The following MFAP2 variants were observed in gnomAD, a reference collection of about 807,000 sequenced individuals.
The protein encoded by MFAP2 is microfibrillar-associated protein 2.
MFAP2 carries 23 observed loss-of-function variants against 30.6 expected under a neutral mutation model. The observed-to-expected ratio is 0.75, with a 90% CI of 0.54 to 1.07. The LOEUF (loss-of-function observed/expected upper bound fraction) is 1.07. Ranked by LOEUF, MFAP2 falls within the 50% of genes least tolerant of loss-of-function variation. The pLI is 0.00. For missense variants in MFAP2, 198 were observed against 223.8 expected (o/e 0.88, Z 0.74); for synonymous variants, 73 against 85.7 (o/e 0.85, Z 0.82).
At chr1:16,979,451 T>G (rs1486045085) in intron 1 of MFAP2, among the ~76,000 whole-genome samples, 3 of 152,164 alleles carry the variant, frequency 2.0e-5, no homozygotes, top group Admixed American at 2.0e-4. Flanking sequence ...AGGAGGTCTT[T>G]CCCTCCTTCC....
chr1:16,979,686 C>G (rs2076621435), intron 1 of MFAP2, among the ~76,000 whole-genome samples: 1 of 152,206 alleles, frequency 6.6e-6, no homozygotes, highest in Non-Finnish European at 1.5e-5. Flanking sequence ...TCAGGTCGGT[C>G]GGAGCCCCCG....
intron 1 of MFAP2, among the ~76,000 whole-genome samples, 152 bp from the exon 2 acceptor site, chr1:16,978,466 G>A (rs1016505742): frequency 6.6e-6 from 1 of 152,146 alleles, no homozygotes; most frequent in Non-Finnish European, 1.5e-5. Context: ...CCCAGTCCCT[G>A]CTGGCCCACC....
rs995558233 is a variant in MFAP2 at position 16,975,870 on chromosome 1, A to G, written c.287-140T>C. ...GACACCCATACCTACACATGCCCAC[A>G]TAGACCCACGCAGCATTGTCAGACT... On this transcript the variant is annotated intron_variant, in intron 6 of 8. Transcript: ENST00000375535. This position sits in a 1 kb window ranked among gnomAD's most constrained non-coding sequence, Gnocchi z 5.0. 1.5e-5 allele frequency: 10 copies of G among 654,212 alleles called. No individual in the cohort carries two copies. The highest frequency in any genetic ancestry group is 1.3e-4 in the African/African-American group (7 of 54,696). The allele number at this position is 654,212 out of a possible 1,614,324, so 40.5% of individuals were successfully genotyped here.
At chr1:16,978,201 T>G in intron 2 of MFAP2, 36 bp downstream of exon 2, 1 of 1,555,828 alleles carries the variant, frequency 6.4e-7, no homozygotes, top group Non-Finnish European at 8.7e-7. Context: ...CAGCCCCACA[T>G]AAGAGGAGCT....
chr1:16,976,807 G>A lies in MFAP2; in HGVS notation c.155-13C>T. 1.2e-6 allele frequency: 2 copies of A among 1,614,068 alleles called. No individual in the cohort carries two copies. The highest frequency in any genetic ancestry group is 1.7e-6 in the Non-Finnish European group (2 of 1,179,984). On this transcript the variant is annotated splice_polypyrimidine_tract_variant and intron_variant, in intron 4 of 8. Coordinates refer to ENST00000375535, the MANE Select transcript of MFAP2 (RefSeq NM_002403.4). This position sits in a 1 kb window ranked among gnomAD's most constrained non-coding sequence, Gnocchi z 5.5. ...CGAGGAGTCACCTCTGCAGCCAGGG[G>A]AGGATAAGGGGGTCTGCTCCCTCTA...
rs1322788781 is a variant in MFAP2 at position 16,976,630 on chromosome 1, C to T, written c.241+78G>A. 3 of 1,609,596 alleles carry T rather than the reference C, an allele frequency of 1.9e-6. No homozygotes were observed. The highest frequency in any genetic ancestry group is 1.3e-5 in the African/African-American group (1 of 74,922). ...AGTCACCTCTCCCAGCCCTGGCAGACCCCCACTCCCAGGGTTGACAGGGTG... is the reference window on the plus strand; with the variant it reads ...AGTCACCTCTCCCAGCCCTGGCAGATCCCCACTCCCAGGGTTGACAGGGTG... On this transcript the variant is annotated intron_variant, in intron 5 of 8. Coordinates refer to ENST00000375535, the MANE Select transcript of MFAP2 (RefSeq NM_002403.4). The surrounding 1 kb of genome is among the most constrained non-coding windows in gnomAD (Gnocchi z 5.5).
Position 16,977,930 on chromosome 1 carries a change from C to A in MFAP2, c.37+307G>T, listed in dbSNP as rs539557226. 9.0e-4 allele frequency: 310 copies of A among 345,676 alleles called. 1 individual carries two copies. The highest frequency in any genetic ancestry group is 6.1e-3 in the African/African-American group (290 of 47,906). 21.4% of individuals were successfully genotyped at this position (345,676 alleles called of 1,614,324 possible). On this transcript the variant is annotated intron_variant, in intron 2 of 8. Coordinates refer to ENST00000375535, the MANE Select transcript of MFAP2 (RefSeq NM_002403.4). ...ACTCCCTGCCTTGGGTGCCCCTGCA[C>A]CTGCACATCGGCTCCCAGAGAGGCC... is the stretch of plus-strand genomic sequence containing the variant.
intron 2 of MFAP2, 42 bp downstream of exon 2, chr1:16,978,195 C>A: frequency 6.5e-7 from 1 of 1,546,912 alleles, no homozygotes; most frequent in African/African-American, 1.4e-5. Flanking sequence ...ACTCCTCAGC[C>A]CCACATAAGA....
intron 2 of MFAP2, chr1:16,977,433 T>TG: frequency 1.9e-6 from 1 of 535,024 alleles, no homozygotes; most frequent in Non-Finnish European, 3.4e-6. Context: ...GCCTCCTGGC[T>TG]GCTCCTAGGA....
At chr1:16,978,152 A>C (rs948380393) in intron 2 of MFAP2, 85 bp downstream of exon 2, 2 of 1,440,652 alleles carry the variant, frequency 1.4e-6, no homozygotes, top group Non-Finnish European at 1.9e-6. Context: ...AAGTCGTGAC[A>C]AAGGCTCACT....
At position 16,975,109 on chromosome 1, in the gene MFAP2, G is replaced by T; in HGVS notation, c.449-86C>A. On this transcript the variant is annotated intron_variant, in intron 8 of 8. Transcript: ENST00000375535. This position sits in a 1 kb window ranked among gnomAD's most constrained non-coding sequence, Gnocchi z 5.0. ...CTCCCCCAACTCTGGTGATGGGAGTGTTTTGAGGATGAAAAGTAGCAAGGA... is the reference window on the plus strand; with the variant it reads ...CTCCCCCAACTCTGGTGATGGGAGTTTTTTGAGGATGAAAAGTAGCAAGGA... 1.5e-6 allele frequency: 2 copies of T among 1,363,978 alleles called. No individual in the cohort carries two copies. The highest frequency in any genetic ancestry group is 2.1e-6 in the Non-Finnish European group (2 of 975,406). 84.5% of individuals were successfully genotyped at this position (1,363,978 alleles called of 1,614,324 possible).
At position 16,976,638 on chromosome 1, in the gene MFAP2, C is replaced by A; in HGVS notation, c.241+70G>T. On this transcript the variant is annotated intron_variant, in intron 5 of 8. Coordinates refer to ENST00000375535, the MANE Select transcript of MFAP2 (RefSeq NM_002403.4). This position sits in a 1 kb window ranked among gnomAD's most constrained non-coding sequence, Gnocchi z 5.5. ...CTCCCAGCCCTGGCAGACCCCCACT[C>A]CCAGGGTTGACAGGGTGGGGAGGGG... The A allele has an allele frequency of 6.2e-7, 1 of 1,610,968 alleles. No individual in the cohort carries two copies. The highest frequency in any genetic ancestry group is 1.1e-5 in the South Asian group (1 of 90,996).
intron 2 of MFAP2, 180 bp from the exon 3 acceptor site, chr1:16,977,378 T>C: frequency 3.2e-6 from 2 of 627,718 alleles, no homozygotes; most frequent in Non-Finnish European, 5.5e-6. Context: ...CCCACCCTGG[T>C]CATGGGTCAC....
chr1:16,980,928 T>G (rs1001896440), upstream of MFAP2: 3 of 152,444 alleles, frequency 2.0e-5, no homozygotes, highest in African/African-American at 7.2e-5. Flanking sequence ...GAGGAGGAAA[T>G]CAAGCCTCCC....
At position 16,976,147 on chromosome 1, in the gene MFAP2, C is replaced by T. The variant is rs938089989; in HGVS notation, c.286+354G>A. 26 of 504,656 alleles carry T rather than the reference C, an allele frequency of 5.2e-5. No homozygotes were observed. The highest frequency in any genetic ancestry group is 8.6e-5 in the Non-Finnish European group (24 of 278,204). The allele number at this position is 504,656 out of a possible 1,614,324, so 31.3% of individuals were successfully genotyped here. A position where few individuals can be genotyped will look rare whatever the true frequency, so the allele number is the denominator to read the frequency against. On this transcript the variant is annotated intron_variant, in intron 6 of 8. Coordinates refer to ENST00000375535, the MANE Select transcript of MFAP2 (RefSeq NM_002403.4). The surrounding 1 kb of genome is among the most constrained non-coding windows in gnomAD (Gnocchi z 5.5). ...CTCAGCTAGGGCAGCCGGAGGGCAC[C>T]GCTCAGCCAGCCTGCACTCCCTGGC...
Position 16,976,275 on chromosome 1 carries a change from C to T in MFAP2, c.286+226G>A. The T allele has an allele frequency of 3.2e-6, 2 of 615,954 alleles. No individual in the cohort carries two copies. The highest frequency in any genetic ancestry group is 2.8e-5 in the Admixed American group (1 of 35,202). The allele number at this position is 615,954 out of a possible 1,614,324, so 38.2% of individuals were successfully genotyped here. ...AGTATCTGTGAGGTCAGGGGCCTTCCTAGGCTGCCAATTTAGCCTCCAGCC... is the reference window on the plus strand; with the variant it reads ...AGTATCTGTGAGGTCAGGGGCCTTCTTAGGCTGCCAATTTAGCCTCCAGCC... On this transcript the variant is annotated intron_variant, in intron 6 of 8. Transcript: ENST00000375535. This position sits in a 1 kb window ranked among gnomAD's most constrained non-coding sequence, Gnocchi z 5.5.
intron 2 of MFAP2, 134 bp downstream of exon 2, chr1:16,978,103 C>T: frequency 3.0e-6 from 3 of 986,022 alleles, no homozygotes. Flanking sequence ...TCCAAGCAGG[C>T]AGAAGGCCCT....
At chr1:16,977,288 G>C in intron 2 of MFAP2, 90 bp from the exon 3 acceptor site, 2 of 1,301,172 alleles carry the variant, frequency 1.5e-6, no homozygotes, top group Non-Finnish European at 2.1e-6. Flanking sequence ...GGGGTCACAA[G>C]GTCAGGCCCA....
intron 1 of MFAP2, among the ~76,000 whole-genome samples, chr1:16,979,722 G>A (rs1421863676): frequency 6.6e-6 from 1 of 152,220 alleles, no homozygotes; most frequent in Non-Finnish European, 1.5e-5. Flanking sequence ...CGCTGAATTG[G>A]GGCAAGAGGG....
Sources: gnomAD v4.1 joint callset for allele counts (sites outside exome capture counted in the v4.1 genomes callset) on GRCh38, gnomAD v4.1.1 for gene constraint, Gnocchi (gnomAD v3.1) non-coding constraint, MANE v1.5 for transcripts, NCBI Gene and HGNC (gene_info 2026-07-23, HGNC 2026-07-21) for gene names.